Variants in KCNQ1 observed in about 807,000 individuals in gnomAD.
The protein encoded by KCNQ1 is potassium voltage-gated channel subfamily KQT member 1.
KCNQ1 carries 49 observed loss-of-function variants against 72.4 expected under a neutral mutation model. The ratio of observed to expected loss-of-function variants is 0.68; its 90% confidence interval spans 0.54 to 0.86. The LOEUF is 0.86. Ranked by LOEUF, KCNQ1 falls within the 40% of genes least tolerant of loss-of-function variation. KCNQ1 has a pLI of 0.00. For synonymous variants in KCNQ1, 450 were observed against 412.6 expected, an observed-to-expected ratio of 1.09 and a Z score of -1.10; for missense variants, 790 against 945.1, an observed-to-expected ratio of 0.84 and a Z score of 2.15.
rs1564810190 is a variant in KCNQ1, at chr11:2,538,106, G to A, written c.477+10088G>A. Among the ~76,000 whole-genome samples, 1 of 152,214 alleles carries A rather than the reference G, an allele frequency of 6.6e-6. No homozygotes were observed. The highest frequency in any genetic ancestry group is 1.5e-5 in the Non-Finnish European group (1 of 68,042). ...AAAGCCCGTGTATATCCTCTGGAATGAGGACCTTCAACTTAGCCAGGGTGT... is the reference window on the plus strand; with the variant it reads ...AAAGCCCGTGTATATCCTCTGGAATAAGGACCTTCAACTTAGCCAGGGTGT... On this transcript the variant is annotated intron_variant, in intron 2 of 15. Coordinates refer to ENST00000155840, the MANE Select transcript of KCNQ1 (RefSeq NM_000218.3). This position sits in a 1 kb window ranked among gnomAD's most constrained non-coding sequence, Gnocchi z 6.7.
At chr11:2,797,020 G>T (rs1420341168) in intron 15 of KCNQ1, among the ~76,000 whole-genome samples, 8 of 152,208 alleles carry the variant, frequency 5.3e-5, no homozygotes, top group African/African-American at 1.7e-4. Context: ...CAACGTATGG[G>T]CTGGTGGCAA....
intron 15 of KCNQ1, among the ~76,000 whole-genome samples, chr11:2,810,331 G>T (rs1289364578): frequency 6.6e-6 from 1 of 152,154 alleles, no homozygotes; most frequent in African/African-American, 2.4e-5. Flanking sequence ...GCTCTGGAAA[G>T]GTCTCTGTAT....
At position 2,735,086 on chromosome 11, in the gene KCNQ1, C is replaced by G. The variant is rs1845934234; in HGVS notation, c.1515-33758C>G. Among the ~76,000 whole-genome samples the G allele has an allele frequency of 6.6e-6, 1 of 152,174 alleles. No homozygotes were observed. The highest frequency in any genetic ancestry group is 1.5e-5 in the Non-Finnish European group (1 of 68,010). ...TGCCTTGTCATCACCTGTGCCGTGG[C>G]TGTCAGCGCGCATCTGGCTTACATT... is the stretch of plus-strand genomic sequence containing the variant. On this transcript the variant is annotated intron_variant, in intron 11 of 15. Transcript: ENST00000155840. This position sits in a 1 kb window ranked among gnomAD's most constrained non-coding sequence, Gnocchi z 7.7.
intron 10 of KCNQ1, chr11:2,644,527 T>C (rs754474130): frequency 1.4e-4 from 57 of 398,436 alleles, no homozygotes; most frequent in Non-Finnish European, 1.7e-4. Flanking sequence ...TTTAATATTA[T>C]ATTGAATTTT....
intron 1 of KCNQ1, among the ~76,000 whole-genome samples, chr11:2,523,711 T>C (rs12099422): frequency 0.027 from 4,071 of 151,656 alleles, 151 homozygotes; most frequent in African/African-American, 0.086. Context: ...GAGCTGCAGG[T>C]AATTCTGTTC....
In KCNQ1 at chr11:2,612,101, G is replaced by T. The variant is rs1161138311; in HGVS notation, c.1393+23247G>T. On this transcript the variant is annotated intron_variant, in intron 10 of 15. Transcript: ENST00000155840. This position sits in a 1 kb window ranked among gnomAD's most constrained non-coding sequence, Gnocchi z 5.5. ...TGTTACACATCCTGTTAGGACAGGG[G>T]TTCCCAACCCCAGGGCCATGGACTG... 2.5e-6 allele frequency: 1 copy of T among 398,500 alleles called. No individual in the cohort carries two copies. The highest frequency in any genetic ancestry group is 4.4e-6 in the Non-Finnish European group (1 of 226,076). The allele number at this position is 398,500 out of a possible 1,614,324, so 24.7% of individuals were successfully genotyped here. A position where few individuals can be genotyped will look rare whatever the true frequency, so the allele number is the denominator to read the frequency against.
rs1847510671 is a variant in KCNQ1, at chr11:2,526,566, G to A, written c.387-1362G>A. Among the ~76,000 whole-genome samples, 1 of 151,996 alleles carries A rather than the reference G, an allele frequency of 6.6e-6. No homozygotes were observed. The highest frequency in any genetic ancestry group is 2.4e-5 in the African/African-American group (1 of 41,404). ...TCCACAGGAGCTTGGGGAAGGGGGT[G>A]GGGGGCCAGAGCCCCACCTTCCCCA... On this transcript the variant is annotated intron_variant, in intron 1 of 15. Coordinates refer to ENST00000155840, the MANE Select transcript of KCNQ1 (RefSeq NM_000218.3). The surrounding 1 kb of genome is among the most constrained non-coding windows in gnomAD (Gnocchi z 6.1).
At position 2,718,244 on chromosome 11, in the gene KCNQ1, G is replaced by A. The variant is rs74489020; in HGVS notation, c.1515-50600G>A. Among the ~76,000 whole-genome samples, 1,315 of 152,290 alleles carry A rather than the reference G, an allele frequency of 8.6e-3. 9 individuals are homozygous for A. The highest frequency in any genetic ancestry group is 0.014 in the Non-Finnish European group (954 of 68,024). On this transcript the variant is annotated intron_variant, in intron 11 of 15. Transcript: ENST00000155840. ...CCCACATCCCCCTCACACACCTTGT[G>A]CTTGCTCTGGGCTTCAGGGGCCTGA...
At chr11:2,553,177 G>GTT (rs148815283) in intron 2 of KCNQ1, among the ~76,000 whole-genome samples, 4 of 120,018 alleles carry the variant, frequency 3.3e-5, no homozygotes, top group South Asian at 2.5e-4. Context: ...TTTTTTTTTT[G>GTT]TTTTTTTGTA....
At chr11:2,560,978 G>A (rs1002143841) in intron 2 of KCNQ1, among the ~76,000 whole-genome samples, 3 of 151,894 alleles carry the variant, frequency 2.0e-5, no homozygotes, top group African/African-American at 4.8e-5. Flanking sequence ...CGAGGCGGGC[G>A]GATCACGAGG....
intron 11 of KCNQ1, chr11:2,692,094 C>T (rs1278796361): frequency 5.0e-6 from 2 of 398,646 alleles, no homozygotes; most frequent in Non-Finnish European, 8.8e-6. Context: ...GCCCCCACCT[C>T]CTCTCCACAG....
At chr11:2,702,443 C>T (rs1288779864) in intron 11 of KCNQ1, among the ~76,000 whole-genome samples, 1 of 152,184 alleles carries the variant, frequency 6.6e-6, no homozygotes, top group Non-Finnish European at 1.5e-5. Context: ...GGTGTCCACC[C>T]TCCTACTAAA....
chr11:2,681,794 A>C (rs1044850067), intron 11 of KCNQ1: 1 of 398,438 alleles, frequency 2.5e-6, no homozygotes, highest in African/African-American at 2.1e-5. Flanking sequence ...GAATGGGTAC[A>C]GTCCCTGCCT....
intron 10 of KCNQ1, chr11:2,641,575 A>G (rs1029383759): frequency 2.5e-6 from 1 of 398,482 alleles, no homozygotes; most frequent in South Asian, 1.3e-4. Context: ...ATTTTCTCCC[A>G]TTCAACAGGC....
At position 2,498,430 on chromosome 11, in the gene KCNQ1, G is replaced by T. The variant is rs1255239101; in HGVS notation, c.387-29498G>T. Among the ~76,000 whole-genome samples the T allele has an allele frequency of 6.6e-6, 1 of 152,224 alleles. No homozygotes were observed. Among genetic ancestry groups the T allele is most frequent in the African/African-American group, 2.4e-5 (1 of 41,456 alleles). ...GAAGCAGTCTGGCCTCAGCTGCTTT[G>T]CTGTGCTTTGGTGAATTCTGCCCAG... On this transcript the variant is annotated intron_variant, in intron 1 of 15. Coordinates refer to ENST00000155840, the MANE Select transcript of KCNQ1 (RefSeq NM_000218.3). This position sits in a 1 kb window ranked among gnomAD's most constrained non-coding sequence, Gnocchi z 4.8.
rs79029054 is a variant in KCNQ1, at chr11:2,471,566, A to ATG, written c.386+26093_386+26094dup. Among the ~76,000 whole-genome samples the ATG allele has an allele frequency of 6.6e-6, 1 of 151,514 alleles. No homozygotes were observed. Among genetic ancestry groups the ATG allele is most frequent in the African/African-American group, 2.4e-5 (1 of 41,316 alleles). On this transcript the variant is annotated intron_variant, in intron 1 of 15. Transcript: ENST00000155840. The surrounding 1 kb of genome is among the most constrained non-coding windows in gnomAD (Gnocchi z 4.8). Reference sequence around the variant, plus strand: ...ATCACAGCCTCACAGGCACATGTGTATGTGTGTGTGTGCACGTGTGTATGG... The same window carrying ATG: ...ATCACAGCCTCACAGGCACATGTGTATGTGTGTGTGTGTGCACGTGTGTATGG...
intron 1 of KCNQ1, among the ~76,000 whole-genome samples, chr11:2,523,202 T>A (rs909462484): frequency 2.0e-5 from 3 of 148,738 alleles, no homozygotes; most frequent in Non-Finnish European, 4.5e-5. Flanking sequence ...AATTTAATTT[T>A]TTTTTTTTTG....
intron 11 of KCNQ1, among the ~76,000 whole-genome samples, chr11:2,743,411 A>T (rs1429736483): frequency 6.6e-6 from 1 of 152,192 alleles, no homozygotes; most frequent in Non-Finnish European, 1.5e-5. Context: ...TCACTGGTTC[A>T]CTTAGGGGTA....
intron 15 of KCNQ1, among the ~76,000 whole-genome samples, chr11:2,812,945 G>A (rs2134042609): frequency 6.6e-6 from 1 of 152,354 alleles, no homozygotes; most frequent in Admixed American, 6.5e-5. Context: ...TGGCTGCAAA[G>A]CTGCCCCCTC....
Sources: gnomAD v4.1 joint callset for allele counts (sites outside exome capture counted in the v4.1 genomes callset) on GRCh38, gnomAD v4.1.1 for gene constraint, Gnocchi (gnomAD v3.1) non-coding constraint, MANE v1.5 for transcripts, NCBI Gene and HGNC (gene_info 2026-07-23, HGNC 2026-07-21) for gene names.